MBNL1: variants seen among roughly 807,000 people sequenced by gnomAD.
MBNL1 encodes muscleblind-like protein 1.
MBNL1 carries 8 observed loss-of-function variants against 42.2 expected under a neutral mutation model. That is an observed-to-expected ratio of 0.19 (90% CI 0.11 to 0.34). The LOEUF (loss-of-function observed/expected upper bound fraction) is 0.34, where lower values mean the gene tolerates loss of function less well. MBNL1 is among the 10% of genes least tolerant of loss of function. The probability of loss-of-function intolerance (pLI) is 1.00; values close to 1 mark genes in which losing one functional copy is unlikely to be tolerated. For synonymous variants in MBNL1, 169 were observed against 173.9 expected (o/e 0.97, Z 0.22); for missense variants, 309 against 495.3 (o/e 0.62, Z 3.57).
At chr3:152,322,514 TATTCTA>T (rs1441640496) in intron 2 of MBNL1, among the ~76,000 whole-genome samples, 16 of 152,216 alleles carry the variant, frequency 1.1e-4, no homozygotes, top group African/African-American at 3.6e-4. Flanking sequence ...TAACTTGAAT[TATTCTA>T]ATTACGATAC....
chr3:152,462,996 C>CT lies in MBNL1; in HGVS notation c.*633dup, dbSNP rs1280332023. 1 of 152,448 alleles carries CT rather than the reference C, an allele frequency of 6.6e-6. No homozygotes were observed. The highest frequency in any genetic ancestry group is 2.4e-5 in the African/African-American group (1 of 41,422). 9.4% of individuals were successfully genotyped at this position (152,448 alleles called of 1,614,324 possible). On this transcript the variant is annotated 3_prime_UTR_variant, in exon 10 of 10. Coordinates refer to ENST00000324210, the MANE Select transcript of MBNL1 (RefSeq NM_021038.5). The stretch of plus-strand genomic sequence containing the variant: ...GTGTATATTTTAAAGCACATCATGG[C>CT]TTTAAGTACCATGTTGTTAAGGATT...
intron 2 of MBNL1, among the ~76,000 whole-genome samples, chr3:152,386,986 A>C (rs2153446683): frequency 6.6e-6 from 1 of 152,286 alleles, no homozygotes; most frequent in South Asian, 2.1e-4. Flanking sequence ...TGGCTACTGC[A>C]GTGTTGTAAA....
intron 7 of MBNL1, among the ~76,000 whole-genome samples, chr3:152,456,049 TC>T (rs1733009069): frequency 6.6e-6 from 1 of 152,136 alleles, no homozygotes; most frequent in African/African-American, 2.4e-5. Context: ...CAAGCTTTTT[TC>T]CCCCTTTTTT....
Position 152,393,184 on chromosome 3 carries a change from C to G in MBNL1, c.175-21757C>G, listed in dbSNP as rs140218087. ...CCTGAAATCCCTTTTCCATGAATAC[C>G]TGCTTTCTAGATAGTCCTGAACTGC... On this transcript the variant is annotated intron_variant, in intron 2 of 9. Transcript: ENST00000324210. 5.5e-3 allele frequency among the ~76,000 whole-genome samples: 835 copies of G among 152,304 alleles called. 7 individuals carry two copies. Among genetic ancestry groups the G allele is most frequent in the African/African-American group, 0.019 (795 of 41,552 alleles).
chr3:152,307,676 G>A (rs982652812), intron 2 of MBNL1, among the ~76,000 whole-genome samples: 2 of 152,138 alleles, frequency 1.3e-5, no homozygotes, highest in Admixed American at 6.5e-5. Context: ...TTGGAGCCTC[G>A]TAATCTGATT....
Position 152,450,148 on chromosome 3 carries a change from T to C in MBNL1, c.961+2375T>C, listed in dbSNP as rs141306537. ...ACAAAACAACAACAACAAATATATA[T>C]ACACACACACACACATATTTCTCAA... On this transcript the variant is annotated intron_variant, in intron 6 of 9. Coordinates refer to ENST00000324210, the MANE Select transcript of MBNL1 (RefSeq NM_021038.5). Among the ~76,000 whole-genome samples, 79 of 146,460 alleles carry C rather than the reference T, an allele frequency of 5.4e-4. 2 individuals carry two copies. Among genetic ancestry groups the C allele is most frequent in the African/African-American group, 1.6e-3 (62 of 39,840 alleles).
At chr3:152,367,983 A>G (rs2096488322) in intron 2 of MBNL1, among the ~76,000 whole-genome samples, 1 of 110,048 alleles carries the variant, frequency 9.1e-6, no homozygotes, top group South Asian at 3.1e-4. Flanking sequence ...GCCTGTTCAC[A>G]CTGATGATAG....
chr3:152,420,504 C>T (rs2098786393), intron 3 of MBNL1, among the ~76,000 whole-genome samples: 2 of 152,184 alleles, frequency 1.3e-5, no homozygotes, highest in African/African-American at 4.8e-5. Context: ...CAGCAAACTC[C>T]AGCAGACCTG....
chr3:152,275,420 C>G (rs1239914405), intron 1 of MBNL1, among the ~76,000 whole-genome samples: 1 of 152,042 alleles, frequency 6.6e-6, no homozygotes, highest in Non-Finnish European at 1.5e-5. Context: ...GTTTGAAAGT[C>G]TAATGTTTGG....
chr3:152,455,942 A>G (rs1175651626), intron 7 of MBNL1, among the ~76,000 whole-genome samples: 2 of 152,240 alleles, frequency 1.3e-5, no homozygotes, highest in Admixed American at 6.5e-5. Flanking sequence ...ATTTTGACTT[A>G]GATTTTGAAT....
At position 152,394,665 on chromosome 3, in the gene MBNL1, G is replaced by A. The variant is rs960675863; in HGVS notation, c.175-20276G>A. Among the ~76,000 whole-genome samples the A allele has an allele frequency of 2.0e-5, 3 of 152,236 alleles. No homozygotes were observed. In the South Asian group the frequency reaches 6.2e-4, roughly 32 times the overall value. On this transcript the variant is annotated intron_variant, in intron 2 of 9. Transcript: ENST00000324210. Reference sequence around the variant, plus strand: ...CTCATGGATCTTATTCCCTAGTGCAGGAATTAGTTGATAAATAAACACATA... The same window carrying A: ...CTCATGGATCTTATTCCCTAGTGCAAGAATTAGTTGATAAATAAACACATA...
intron 3 of MBNL1, among the ~76,000 whole-genome samples, chr3:152,421,789 A>G (rs1025352191): frequency 6.6e-6 from 1 of 152,162 alleles, no homozygotes; most frequent in African/African-American, 2.4e-5. Context: ...CAACATTCTT[A>G]AAAGAATTTT....
chr3:152,249,394 T>C lies in MBNL1; in HGVS notation n.333+4954T>C, dbSNP rs1267740361. ...TGATGATGAGCATTTTTTCATGTGT[T>C]TTTTGGCTGCATAAATGTCTTCTTT... On this transcript the variant is annotated intron_variant and non_coding_transcript_variant, in intron 2 of 2. Transcript: ENST00000477171. Among the ~76,000 whole-genome samples, 5 of 131,498 alleles carry C rather than the reference T, an allele frequency of 3.8e-5. No homozygotes were observed. In the East Asian group the frequency reaches 8.6e-4, roughly 23 times the overall value. 86.3% of individuals were successfully genotyped at this position (131,498 alleles called of 152,430 possible). A position where few individuals can be genotyped will look rare whatever the true frequency, so the allele number is the denominator to read the frequency against.
At chr3:152,432,944 T>G (rs369963584) in intron 4 of MBNL1, 24 bp downstream of exon 4, 24 of 1,578,374 alleles carry the variant, frequency 1.5e-5, no homozygotes, top group Non-Finnish European at 2.0e-5. Context: ...GTTGGTGTCT[T>G]TATATACTAC....
At chr3:152,431,937 A>G (rs2099013016) in intron 3 of MBNL1, among the ~76,000 whole-genome samples, 1 of 152,344 alleles carries the variant, frequency 6.6e-6, no homozygotes, top group African/African-American at 2.4e-5. Flanking sequence ...CCACGAAAGC[A>G]TTTCTGGAAG....
Position 152,397,322 on chromosome 3 carries a change from A to G in MBNL1, c.175-17619A>G, listed in dbSNP as rs1178444783. ...TGCTGCACCCATCAACCCGTCACCT[A>G]CATTAGGTATTTCTCCTGATGCTGT... On this transcript the variant is annotated intron_variant, in intron 2 of 9. Coordinates refer to ENST00000324210, the MANE Select transcript of MBNL1 (RefSeq NM_021038.5). Among the ~76,000 whole-genome samples the G allele has an allele frequency of 2.6e-5, 4 of 152,238 alleles. No individual in the cohort carries two copies. In the East Asian group the frequency reaches 5.8e-4, roughly 22 times the overall value.
At chr3:152,318,524 G>A (rs1476013091) in intron 2 of MBNL1, among the ~76,000 whole-genome samples, 2 of 152,168 alleles carry the variant, frequency 1.3e-5, no homozygotes, top group East Asian at 1.9e-4. Flanking sequence ...TACTGCAAAT[G>A]TATTCCACTG....
chr3:152,277,919 G>C (rs1263007766), intron 1 of MBNL1, among the ~76,000 whole-genome samples: 7 of 151,898 alleles, frequency 4.6e-5, no homozygotes, highest in Admixed American at 4.6e-4. Context: ...AATATAGCAT[G>C]TTTCTATAAA....
intron 4 of MBNL1, among the ~76,000 whole-genome samples, chr3:152,443,482 G>A (rs1045472683): frequency 6.0e-4 from 17 of 28,264 alleles, no homozygotes; most frequent in Non-Finnish European, 1.1e-3. Flanking sequence ...TATATATTTA[G>A]CATACACACA....
Sources: allele counts gnomAD v4.1 joint callset (sites outside exome capture counted in the v4.1 genomes callset), GRCh38; gene constraint gnomAD v4.1.1; transcripts MANE v1.5; gene names NCBI Gene and HGNC (gene_info 2026-07-23, HGNC 2026-07-21).